The following PPARGC1A variants were observed in gnomAD, a reference collection of about 807,000 sequenced individuals.
The protein encoded by PPARGC1A is peroxisome proliferator-activated receptor gamma coactivator 1-alpha.
PPARGC1A carries 25 observed loss-of-function variants against 88.7 expected under a neutral mutation model. The ratio of observed to expected loss-of-function variants is 0.28; its 90% CI spans 0.21 to 0.39. The LOEUF is 0.39. PPARGC1A is among the 10% of genes least tolerant of loss of function. The pLI, the probability that PPARGC1A is intolerant of heterozygous loss-of-function variation, is 1.00. For synonymous variants in PPARGC1A, 363 were observed against 355.6 expected (o/e 1.02, Z -0.24); for missense variants, 880 against 968.7 (o/e 0.91, Z 1.22).
At chr4:24,420,554 C>G in the PPARGC1A span, among the ~76,000 whole-genome samples, 1 of 152,132 alleles carries the variant, frequency 6.6e-6, no homozygotes, top group Non-Finnish European at 1.5e-5. Context: ...ACACTCCCGG[C>G]TGGGATTCCA....
At chr4:24,469,062 A>G in the PPARGC1A span, among the ~76,000 whole-genome samples, 4 of 152,226 alleles carry the variant, frequency 2.6e-5, no homozygotes, top group Non-Finnish European at 5.9e-5. Flanking sequence ...TAGAGTAAAC[A>G]AATTATATCT....
chr4:24,265,027 T>C, the PPARGC1A span, among the ~76,000 whole-genome samples: 1 of 152,192 alleles, frequency 6.6e-6, no homozygotes, highest in Admixed American at 6.5e-5. Flanking sequence ...TGACATTGTA[T>C]ATGTCATACA....
At chr4:24,430,843 C>T in the PPARGC1A span, among the ~76,000 whole-genome samples, 16 of 151,986 alleles carry the variant, frequency 1.1e-4, no homozygotes, top group African/African-American at 3.1e-4. Flanking sequence ...AGGGGCCGGG[C>T]GCGGGGGCTC....
the PPARGC1A span, among the ~76,000 whole-genome samples, chr4:24,100,936 A>G: frequency 6.6e-6 from 1 of 152,262 alleles, no homozygotes; most frequent in South Asian, 2.1e-4. Flanking sequence ...TTACAGGTGC[A>G]GACCATGTAT....
chr4:24,018,794 C>T, the PPARGC1A span, among the ~76,000 whole-genome samples: 2 of 152,040 alleles, frequency 1.3e-5, no homozygotes, highest in Non-Finnish European at 2.9e-5. Context: ...CTAAAGATCT[C>T]CCCCATTTCC....
chr4:23,899,616 T>C (rs1180902530), upstream of PPARGC1A, among the ~76,000 whole-genome samples: 1 of 152,166 alleles, frequency 6.6e-6, no homozygotes, highest in Non-Finnish European at 1.5e-5. Flanking sequence ...CACACCAAAA[T>C]GTAGATAAAT....
chr4:23,849,375 G>A (rs926275143), intron 2 of PPARGC1A, among the ~76,000 whole-genome samples: 3 of 152,166 alleles, frequency 2.0e-5, no homozygotes, highest in Admixed American at 6.5e-5. Context: ...CCTAAGATGA[G>A]CCATATCACA....
chr4:24,295,483 G>C, the PPARGC1A span, among the ~76,000 whole-genome samples: 2 of 152,030 alleles, frequency 1.3e-5, no homozygotes, highest in Non-Finnish European at 2.9e-5. Context: ...AAAACCATCA[G>C]AGAGGGCATT....
intron 2 of PPARGC1A, among the ~76,000 whole-genome samples, chr4:23,861,258 A>G (rs1032098390): frequency 2.0e-5 from 3 of 152,236 alleles, no homozygotes; most frequent in Non-Finnish European, 4.4e-5. Flanking sequence ...ATTCGAAACA[A>G]AGAATGAACA....
chr4:24,109,063 A>G, the PPARGC1A span, among the ~76,000 whole-genome samples: 1 of 144,626 alleles, frequency 6.9e-6, no homozygotes, highest in Admixed American at 7.0e-5. Context: ...CACACCTGAG[A>G]CCATAAATGC....
the PPARGC1A span, among the ~76,000 whole-genome samples, chr4:24,262,998 ACTT>A: frequency 1.6e-4 from 25 of 152,342 alleles, no homozygotes; most frequent in African/African-American, 5.8e-4. Context: ...GGCTTCCTTT[ACTT>A]AACAGTCCTA....
intron 2 of PPARGC1A, among the ~76,000 whole-genome samples, chr4:23,851,473 G>T (rs1729285194): frequency 6.6e-6 from 1 of 151,990 alleles, no homozygotes; most frequent in Admixed American, 6.6e-5. Flanking sequence ...AGTATCAAAG[G>T]GTCACTCTAT....
chr4:24,022,731 T>C, the PPARGC1A span, among the ~76,000 whole-genome samples: 1 of 152,146 alleles, frequency 6.6e-6, no homozygotes, highest in Non-Finnish European at 1.5e-5. Flanking sequence ...AGGGATCGGG[T>C]CCCAGCCCAC....
chr4:24,472,031 A>G, the PPARGC1A span, among the ~76,000 whole-genome samples: 5 of 151,922 alleles, frequency 3.3e-5, no homozygotes, highest in African/African-American at 1.2e-4. This position sits in a 1 kb window ranked among gnomAD's most constrained non-coding sequence, Gnocchi z 4.5. Context: ...GACTTGGGGA[A>G]GGTTGCGCTC....
At chr4:24,264,426 G>A in the PPARGC1A span, among the ~76,000 whole-genome samples, 1 of 152,186 alleles carries the variant, frequency 6.6e-6, no homozygotes, top group Non-Finnish European at 1.5e-5. Flanking sequence ...GCCCACAGGA[G>A]CAGAAAAGGT....
chr4:23,854,145 C>T (rs1421190317), intron 2 of PPARGC1A, among the ~76,000 whole-genome samples: 1 of 152,156 alleles, frequency 6.6e-6, no homozygotes, highest in Non-Finnish European at 1.5e-5. Flanking sequence ...AGTGAAAATA[C>T]AACTAATGAC....
At chr4:23,996,648 G>A in the PPARGC1A span, among the ~76,000 whole-genome samples, 1 of 152,082 alleles carries the variant, frequency 6.6e-6, no homozygotes, top group East Asian at 1.9e-4. Flanking sequence ...AAAAAGAAAA[G>A]CCTAGATACA....
At chr4:23,890,146 CCT>C, upstream of PPARGC1A, 1 of 1,265,674 alleles carries the variant, frequency 7.9e-7, no homozygotes, top group Non-Finnish European at 1.0e-6. Flanking sequence ...CCTCCCTTCC[CCT>C]GTGCAGCTTG....
chr4:24,358,473 TG>T, the PPARGC1A span, among the ~76,000 whole-genome samples: 3 of 152,208 alleles, frequency 2.0e-5, no homozygotes, highest in Non-Finnish European at 4.4e-5. Context: ...CACTACTTTT[TG>T]TTAACTCTCT....
Sources: allele counts gnomAD v4.1 joint callset (sites outside exome capture counted in the v4.1 genomes callset), GRCh38; gene constraint gnomAD v4.1.1; non-coding constraint Gnocchi (gnomAD v3.1); transcripts MANE v1.5; gene names NCBI Gene and HGNC (gene_info 2026-07-23, HGNC 2026-07-21).